METTL25: variants seen among roughly 807,000 people sequenced by gnomAD.
METTL25 encodes probable methyltransferase-like protein 25.
A neutral mutation model predicts 71.6 loss-of-function variants in METTL25; 64 were observed. That is an observed-to-expected ratio of 0.89 (90% CI 0.73 to 1.10). METTL25 has a LOEUF of 1.10. Among genes scored for constraint, METTL25 ranks in the 50% least tolerant of loss-of-function variants. The pLI, the probability that METTL25 is intolerant of heterozygous loss-of-function variation, is 0.00. For synonymous variants in METTL25, 287 were observed against 250.3 expected (o/e 1.15, Z -1.38); for missense variants, 807 against 707.0 (o/e 1.14, Z -1.60).
chr12:82,433,738 TAA>T (rs1052223422), intron 6 of METTL25, among the ~76,000 whole-genome samples: 5 of 151,710 alleles, frequency 3.3e-5, no homozygotes, highest in Non-Finnish European at 7.4e-5. Flanking sequence ...CTTTTCATTT[TAA>T]AAGTGTGTGA....
At position 82,399,273 on chromosome 12, in the gene METTL25, C is replaced by G; in HGVS notation, c.1010C>G (p.Ser337Cys). ...CAGCAAATACCCAACAGAGAAACAT[C>G]TGAAGCCAATAAAGAGAGAAGAAAA... is the stretch of plus-strand genomic sequence containing the variant. The part of the protein sequence containing the change: ...SSQQIPNRET[S>C]EANKERRKMT... The change falls in exon 4 of 12, where the codon TCT becomes TGT. Residue 337 changes from serine to cysteine, a missense_variant. Coordinates refer to ENST00000248306, the MANE Select transcript of METTL25 (RefSeq NM_032230.3). 6.2e-7 allele frequency: 1 copy of G among 1,613,768 alleles called. No homozygotes were observed. The highest frequency in any genetic ancestry group is 1.1e-5 in the South Asian group (1 of 91,068).
chr12:82,401,166 G>A (rs192784812), intron 4 of METTL25, among the ~76,000 whole-genome samples: 77 of 151,762 alleles, frequency 5.1e-4, no homozygotes, highest in Admixed American at 1.6e-3. Flanking sequence ...ACTTACAGGC[G>A]TAATTTTTTT....
intron 5 of METTL25, among the ~76,000 whole-genome samples, chr12:82,413,947 T>A (rs1887754391): frequency 6.6e-6 from 1 of 151,520 alleles, no homozygotes; most frequent in African/African-American, 2.4e-5. Context: ...TGTTTGGGTT[T>A]TAGGAAGTAA....
intron 1 of METTL25, among the ~76,000 whole-genome samples, chr12:82,375,005 A>G (rs546316510): frequency 2.6e-5 from 4 of 152,294 alleles, no homozygotes; most frequent in Admixed American, 6.5e-5. Context: ...CTGTTTATAT[A>G]AAGTTTAGAG....
intron 9 of METTL25, among the ~76,000 whole-genome samples, chr12:82,457,026 G>A (rs1173226671): frequency 6.6e-6 from 1 of 151,870 alleles, no homozygotes; most frequent in East Asian, 1.9e-4. Flanking sequence ...TATCTCCAGA[G>A]TTTCCCTCTT....
intron 1 of METTL25, among the ~76,000 whole-genome samples, chr12:82,381,951 G>A (rs1246884888): frequency 1.3e-5 from 2 of 152,174 alleles, no homozygotes; most frequent in South Asian, 2.1e-4. Context: ...TAGTGATGTG[G>A]GAGGGGGTTT....
intron 5 of METTL25, among the ~76,000 whole-genome samples, chr12:82,424,580 G>T (rs546137239): frequency 6.6e-6 from 1 of 151,480 alleles, no homozygotes; most frequent in African/African-American, 2.4e-5. Flanking sequence ...TATTGATAAT[G>T]CAAAACTAGA....
intron 5 of METTL25, among the ~76,000 whole-genome samples, chr12:82,407,446 C>G (rs1291180666): frequency 6.6e-6 from 1 of 152,116 alleles, no homozygotes; most frequent in African/African-American, 2.4e-5. Context: ...ATTTCCCTCC[C>G]TATAGGAATA....
In METTL25 at chr12:82,439,827, A is replaced by G. The variant is rs1051984464; in HGVS notation, c.1478+1036A>G. 5.3e-6 allele frequency: 5 copies of G among 952,308 alleles called. No individual in the cohort carries two copies. In the African/African-American group the frequency reaches 8.9e-5, roughly 17 times the overall value. The allele number at this position is 952,308 out of a possible 1,614,324, so 59.0% of individuals were successfully genotyped here. A position where few individuals can be genotyped will look rare whatever the true frequency, so the allele number is the denominator to read the frequency against. ...CAAATTCATGTCAACTCAAATATTT[A>G]CTACCTGCCTTCTTTAAAGACCTCA... On this transcript the variant is annotated intron_variant, in intron 8 of 11. Coordinates refer to ENST00000248306, the MANE Select transcript of METTL25 (RefSeq NM_032230.3).
At chr12:82,461,591 AATC>A (rs1891882702) in intron 9 of METTL25, among the ~76,000 whole-genome samples, 1 of 152,208 alleles carries the variant, frequency 6.6e-6, no homozygotes, top group Non-Finnish European at 1.5e-5. Flanking sequence ...CAAAACTAGC[AATC>A]ATCAGGCAAA....
intron 1 of METTL25, among the ~76,000 whole-genome samples, chr12:82,376,688 A>C (rs906767128): frequency 6.6e-6 from 1 of 152,222 alleles, no homozygotes; most frequent in Admixed American, 6.5e-5. Context: ...ATAAACCTTT[A>C]ATACTGCTTA....
At chr12:82,382,674 C>T (rs1372768784) in intron 1 of METTL25, among the ~76,000 whole-genome samples, 1 of 152,122 alleles carries the variant, frequency 6.6e-6, no homozygotes, top group African/African-American at 2.4e-5. Flanking sequence ...ATTTCTTTTT[C>T]AGAGACATTA....
chr12:82,359,905 C>A (rs1411295320), intron 1 of METTL25, among the ~76,000 whole-genome samples: 1 of 152,198 alleles, frequency 6.6e-6, no homozygotes, highest in African/African-American at 2.4e-5. Flanking sequence ...TTGGTAAATA[C>A]TGTTGTTGTT....
At chr12:82,453,182 ATTT>A (rs1373704411) in intron 8 of METTL25, among the ~76,000 whole-genome samples, 1 of 152,086 alleles carries the variant, frequency 6.6e-6, no homozygotes, top group Admixed American at 6.6e-5. Flanking sequence ...CCCTCATATA[ATTT>A]TTTAATTGTT....
At position 82,442,582 on chromosome 12, in the gene METTL25, G is replaced by A. The variant is rs148673662; in HGVS notation, c.1478+3791G>A. Among the ~76,000 whole-genome samples, 864 of 152,232 alleles carry A rather than the reference G, an allele frequency of 5.7e-3. 4 individuals are homozygous for A. The highest frequency in any genetic ancestry group is 0.014 in the Middle Eastern group (4 of 292). ...TGCTGAAGTAGGAAAAGAGGGTGGA[G>A]TAAGCAGGAAGTGCATATGGCTGTA... On this transcript the variant is annotated intron_variant, in intron 8 of 11. Coordinates refer to ENST00000248306, the MANE Select transcript of METTL25 (RefSeq NM_032230.3).
chr12:82,437,274 C>T (rs1889988764), intron 7 of METTL25, among the ~76,000 whole-genome samples: 3 of 151,586 alleles, frequency 2.0e-5, no homozygotes, highest in East Asian at 1.9e-4. Context: ...AGTGTGGGCA[C>T]TCAAACATGT....
intron 1 of METTL25, among the ~76,000 whole-genome samples, chr12:82,383,287 G>C (rs540237374): frequency 6.6e-6 from 1 of 151,618 alleles, no homozygotes; most frequent in African/African-American, 2.4e-5. Context: ...TGATTCTCCT[G>C]TCTCAGCCTC....
At chr12:82,454,999 A>G (rs892588679) in intron 8 of METTL25, among the ~76,000 whole-genome samples, 4 of 151,862 alleles carry the variant, frequency 2.6e-5, no homozygotes, top group African/African-American at 9.7e-5. Flanking sequence ...AATGAACAAG[A>G]AACTCATAGA....
intron 5 of METTL25, among the ~76,000 whole-genome samples, chr12:82,422,440 TACTG>T (rs1888604835): frequency 6.6e-6 from 1 of 152,158 alleles, no homozygotes; most frequent in African/African-American, 2.4e-5. Flanking sequence ...GCCAATATCA[TACTG>T]AATGGGCAAA....
Sources: allele counts gnomAD v4.1 joint callset (sites outside exome capture counted in the v4.1 genomes callset), GRCh38; gene constraint gnomAD v4.1.1; transcripts MANE v1.5; gene names NCBI Gene and HGNC (gene_info 2026-07-23, HGNC 2026-07-21).